The following LIFR variants were observed in gnomAD, a reference collection of about 807,000 sequenced individuals.
LIFR encodes the protein LIF receptor subunit alpha, also known as leukemia inhibitory factor receptor.
In LIFR, 84 loss-of-function variants were observed where a neutral mutation model predicts 122.2. The ratio of observed to expected loss-of-function variants is 0.69; its 90% CI spans 0.58 to 0.82. The LOEUF is 0.82. Among genes scored for constraint, LIFR ranks in the 40% least tolerant of loss-of-function variants. The pLI, the probability that LIFR is intolerant of heterozygous loss-of-function variation, is 0.00. For synonymous variants in LIFR, 422 were observed against 434.7 expected (o/e 0.97, Z 0.36); for missense variants, 1,294 against 1,311.6 (o/e 0.99, Z 0.21).
intron 5 of LIFR, among the ~76,000 whole-genome samples, chr5:38,514,939 C>T (rs1745995450): frequency 6.6e-6 from 1 of 152,106 alleles, no homozygotes; most frequent in Non-Finnish European, 1.5e-5. Flanking sequence ...AAGGGAGGTC[C>T]TGGAAGCAAT....
chr5:38,605,755 T>C (rs1750315558), intron 2 of LIFR, among the ~76,000 whole-genome samples: 1 of 152,188 alleles, frequency 6.6e-6, no homozygotes, highest in South Asian at 2.1e-4. Flanking sequence ...AGCTGATTGT[T>C]TCCTTTGGAA....
chr5:38,503,318 TC>T (rs1305420592), intron 10 of LIFR, among the ~76,000 whole-genome samples: 3 of 152,176 alleles, frequency 2.0e-5, no homozygotes, highest in Non-Finnish European at 2.9e-5. Context: ...AACAAATACT[TC>T]CTTAAACTAA....
intron 1 of LIFR, among the ~76,000 whole-genome samples, chr5:38,570,419 A>G (rs922425286): frequency 6.6e-6 from 1 of 152,192 alleles, no homozygotes; most frequent in African/African-American, 2.4e-5. Context: ...GGAAAATATA[A>G]TAGAGTTCTT....
At chr5:38,482,562 G>T in intron 19 of LIFR, 27 bp downstream of exon 19, 1 of 1,176,884 alleles carries the variant, frequency 8.5e-7, no homozygotes, top group Non-Finnish European at 1.2e-6. Flanking sequence ...GCACATCAAA[G>T]ATAAATATAA....
chr5:38,582,251 A>G (rs974570378), intron 1 of LIFR, among the ~76,000 whole-genome samples: 1 of 152,004 alleles, frequency 6.6e-6, no homozygotes, highest in African/African-American at 2.4e-5. Context: ...AGTTCCAAGC[A>G]TCTCAGAACA....
chr5:38,524,210 T>G (rs1746552978), intron 4 of LIFR, among the ~76,000 whole-genome samples: 1 of 152,222 alleles, frequency 6.6e-6, no homozygotes, highest in South Asian at 2.1e-4. Context: ...TGCTGGGGGA[T>G]GTCACCCACT....
chr5:38,604,700 C>CA (rs34735574), intron 2 of LIFR, among the ~76,000 whole-genome samples: 234 of 140,848 alleles, frequency 1.7e-3, no homozygotes, highest in East Asian at 7.5e-3. Context: ...GACTCTGTCT[C>CA]AAAAAAAAAA....
Position 38,478,709 on chromosome 5 carries a change from T to G in LIFR, c.*2886A>C, listed in dbSNP as rs1170078668. 1 of 209,398 alleles carries G rather than the reference T, an allele frequency of 4.8e-6. No homozygotes were observed. The highest frequency in any genetic ancestry group is 9.7e-6 in the Non-Finnish European group (1 of 102,642). The allele number at this position is 209,398 out of a possible 1,614,324, so 13.0% of individuals were successfully genotyped here. ...TCGCAAGGGAAGCTTGATTTGAAACTGGCTTGTAAGTGAATTGACTTGTAA... is the reference window on the plus strand; with the variant it reads ...TCGCAAGGGAAGCTTGATTTGAAACGGGCTTGTAAGTGAATTGACTTGTAA... On this transcript the variant is annotated 3_prime_UTR_variant, in exon 20 of 20. Transcript: ENST00000453190.
In LIFR at chr5:38,567,786, C is replaced by T. The variant is rs111883697; in HGVS notation, c.-20+27475G>A. 1.9e-3 allele frequency among the ~76,000 whole-genome samples: 292 copies of T among 152,218 alleles called. 1 individual carries two copies. Among genetic ancestry groups the T allele is most frequent in the African/African-American group, 6.7e-3 (280 of 41,540 alleles). On this transcript the variant is annotated intron_variant, in intron 1 of 19. Coordinates refer to the LIFR transcript ENST00000263409. Reference sequence around the variant, plus strand: ...ACAGGTGATCTGCCCACCTCAACCTCCCAAAGTGCTGGGATTATAGGCATG... The same window carrying T: ...ACAGGTGATCTGCCCACCTCAACCTTCCAAAGTGCTGGGATTATAGGCATG...
chr5:38,498,548 C>G (rs1745006414), intron 12 of LIFR, among the ~76,000 whole-genome samples: 1 of 152,192 alleles, frequency 6.6e-6, no homozygotes, highest in Non-Finnish European at 1.5e-5. Context: ...ATGACCAAAA[C>G]TACATAATTT....
chr5:38,556,649 G>A (rs1188539842), upstream of LIFR: 2 of 147,078 alleles, frequency 1.4e-5, no homozygotes, highest in Non-Finnish European at 3.0e-5. Context: ...CCGGGACTGC[G>A]GCGCGCGGGG....
intron 1 of LIFR, among the ~76,000 whole-genome samples, chr5:38,531,246 C>T (rs922714087): frequency 3.3e-5 from 5 of 152,062 alleles, no homozygotes; most frequent in African/African-American, 1.2e-4. Context: ...TCCCATCCAC[C>T]CTTCATCCTT....
At chr5:38,503,470 T>C (rs1275745361) in intron 10 of LIFR, among the ~76,000 whole-genome samples, 2 of 152,312 alleles carry the variant, frequency 1.3e-5, no homozygotes, top group South Asian at 2.1e-4. Flanking sequence ...TAGACATCAG[T>C]AAATTTCCAA....
At chr5:38,551,646 C>T (rs541073490) in intron 1 of LIFR, among the ~76,000 whole-genome samples, 1 of 152,314 alleles carries the variant, frequency 6.6e-6, no homozygotes, top group South Asian at 2.1e-4. Flanking sequence ...GATACTGCCG[C>T]TTAGTAATAT....
At chr5:38,553,316 T>A (rs1195910727) in intron 1 of LIFR, among the ~76,000 whole-genome samples, 1 of 151,992 alleles carries the variant, frequency 6.6e-6, no homozygotes, top group African/African-American at 2.4e-5. Flanking sequence ...GCAGCCCACA[T>A]CCTGTCCCAT....
intron 5 of LIFR, among the ~76,000 whole-genome samples, chr5:38,519,195 T>G (rs1269762408): frequency 6.6e-6 from 1 of 152,240 alleles, no homozygotes; most frequent in Non-Finnish European, 1.5e-5. Flanking sequence ...GGTCTAATTG[T>G]ACCATGTAGA....
intron 1 of LIFR, among the ~76,000 whole-genome samples, chr5:38,546,886 A>G (rs1240450840): frequency 6.6e-6 from 1 of 152,292 alleles, no homozygotes; most frequent in East Asian, 1.9e-4. Flanking sequence ...AAGTTTCAAA[A>G]CAGTCATCTG....
At chr5:38,510,351 A>C in intron 7 of LIFR, 113 bp downstream of exon 7, 1 of 995,480 alleles carries the variant, frequency 1.0e-6, no homozygotes, top group South Asian at 1.4e-5. Context: ...GAACAAAGAA[A>C]TGAGAAAGAA....
chr5:38,500,941 A>C (rs1402718479), intron 11 of LIFR, among the ~76,000 whole-genome samples: 1 of 152,198 alleles, frequency 6.6e-6, no homozygotes, highest in Non-Finnish European at 1.5e-5. Context: ...TCATGAGCAC[A>C]CTTAAGCAGG....
Sources: allele counts gnomAD v4.1 joint callset (sites outside exome capture counted in the v4.1 genomes callset), GRCh38; gene constraint gnomAD v4.1.1; transcripts MANE v1.5; gene names NCBI Gene and HGNC (gene_info 2026-07-23, HGNC 2026-07-21).